CRNKL1: variants seen among roughly 807,000 people sequenced by gnomAD.
The protein encoded by CRNKL1 is crooked neck-like protein 1.
Under a neutral mutation model 103.7 loss-of-function variants are expected in CRNKL1, and 35 were observed. The ratio of observed to expected loss-of-function variants is 0.34; its 90% CI spans 0.26 to 0.45. The LOEUF is 0.45. CRNKL1 is among the 20% of genes least tolerant of loss of function. The pLI, the probability that CRNKL1 is intolerant of heterozygous loss-of-function variation, is 1.00. For synonymous variants in CRNKL1, 267 were observed against 282.6 expected, an observed-to-expected ratio of 0.94 and a Z score of 0.55; for missense variants, 645 against 836.0, an observed-to-expected ratio of 0.77 and a Z score of 2.82.
chr20:20,034,380 T>TATCG lies in CRNKL1; in HGVS notation c.*1811_*1814dup. The TATCG allele has an allele frequency of 6.6e-6, 1 of 152,302 alleles. No homozygotes were observed. The highest frequency in any genetic ancestry group is 2.1e-4 in the South Asian group (1 of 4,828). The allele number at this position is 152,302 out of a possible 1,614,324, so 9.4% of individuals were successfully genotyped here. A position where few individuals can be genotyped will look rare whatever the true frequency, so the allele number is the denominator to read the frequency against. ...CCACAAGAAATTATTAAACTTTTACTATCGAAAGGATTTACTTTGGTGGAG... is the reference window on the plus strand; with the variant it reads ...CCACAAGAAATTATTAAACTTTTACTATCGATCGAAAGGATTTACTTTGGTGGAG... On this transcript the variant is annotated 3_prime_UTR_variant, in exon 14 of 14. Transcript: ENST00000536226.
At chr20:20,051,591 C>A (rs1237010891) in intron 1 of CRNKL1, among the ~76,000 whole-genome samples, 5 of 152,126 alleles carry the variant, frequency 3.3e-5, no homozygotes, top group Non-Finnish European at 1.5e-5. Flanking sequence ...ATTACTCCTG[C>A]GAGTCAGACA....
At chr20:20,039,542 G>T in intron 11 of CRNKL1, 67 bp downstream of exon 11, 2 of 1,569,036 alleles carry the variant, frequency 1.3e-6, no homozygotes, top group South Asian at 2.3e-5. Context: ...CCCACATTTA[G>T]ATGGTCATCT....
chr20:20,050,692 A>C (rs776147202), intron 1 of CRNKL1, 70 bp from the exon 2 acceptor site: 89 of 1,388,530 alleles, frequency 6.4e-5, no homozygotes, highest in Non-Finnish European at 8.6e-5. Flanking sequence ...ACAAACATAC[A>C]TTTTTTAGGA....
intron 12 of CRNKL1, among the ~76,000 whole-genome samples, chr20:20,037,856 AG>A (rs2043446536): frequency 1.3e-5 from 2 of 152,202 alleles, no homozygotes; most frequent in South Asian, 4.1e-4. Flanking sequence ...CGGGAGGCTG[AG>A]GTGGGCAGAT....
At chr20:20,049,784 T>C (rs1211032830) in intron 2 of CRNKL1, among the ~76,000 whole-genome samples, 1 of 152,138 alleles carries the variant, frequency 6.6e-6, no homozygotes, top group Admixed American at 6.5e-5. Flanking sequence ...CATGGTCCTT[T>C]TGCAGACCTC....
upstream of CRNKL1, chr20:20,055,965 T>C: frequency 6.2e-7 from 1 of 1,611,132 alleles, no homozygotes. Context: ...GTCAACAGCA[T>C]TTCCCAAAGT....
intron 5 of CRNKL1, among the ~76,000 whole-genome samples, chr20:20,046,020 C>T (rs1227835096): frequency 1.3e-5 from 2 of 151,828 alleles, no homozygotes; most frequent in South Asian, 2.1e-4. Context: ...AAAAAACATG[C>T]TATAAAAAGA....
At chr20:20,047,276 T>C (rs1015256180) in intron 5 of CRNKL1, among the ~76,000 whole-genome samples, 2 of 152,362 alleles carry the variant, frequency 1.3e-5, no homozygotes, top group South Asian at 2.1e-4. Flanking sequence ...GCTTCTGTAT[T>C]GAACATGTCG....
At chr20:20,043,183 AC>A in intron 7 of CRNKL1, among the ~76,000 whole-genome samples, 1 of 152,294 alleles carries the variant, frequency 6.6e-6, no homozygotes, top group East Asian at 1.9e-4. Context: ...TGACTCTTCC[AC>A]CTTCTTCCAA....
intron 6 of CRNKL1, 21 bp downstream of exon 6, chr20:20,045,287 A>G (rs1426163825): frequency 1.3e-6 from 2 of 1,591,588 alleles, no homozygotes; most frequent in East Asian, 2.2e-5. Flanking sequence ...TTTACAGTAT[A>G]ATGAAGTTAG....
rs1277202735 is a variant in CRNKL1 at position 20,052,346 on chromosome 20, T to C, written c.-4A>G. ...CGGCCGCGGTGGAGGCCGCCATGTCTGCAGCAGTCGACCTCTGGACACCTG... is the reference window on the plus strand; with the variant it reads ...CGGCCGCGGTGGAGGCCGCCATGTCCGCAGCAGTCGACCTCTGGACACCTG... On this transcript the variant is annotated 5_prime_UTR_variant, in exon 1 of 14. Coordinates refer to ENST00000536226, the MANE Select transcript of CRNKL1 (RefSeq NM_001278628.2). 3.7e-6 allele frequency: 6 copies of C among 1,613,738 alleles called. No homozygotes were observed. Among genetic ancestry groups the C allele is most frequent in the Non-Finnish European group, 5.1e-6 (6 of 1,180,036 alleles).
At chr20:20,040,330 C>CAAAAAAAA (rs781058387) in intron 10 of CRNKL1, among the ~76,000 whole-genome samples, 2 of 79,284 alleles carry the variant, frequency 2.5e-5, no homozygotes, top group Admixed American at 1.3e-4. Flanking sequence ...ACCAAACAAA[C>CAAAAAAAA]AAAAAAAAAA....
intron 6 of CRNKL1, 59 bp downstream of exon 6, chr20:20,045,249 G>A (rs2146495678): frequency 7.2e-7 from 1 of 1,386,330 alleles, no homozygotes; most frequent in Non-Finnish European, 9.8e-7. Context: ...AACTCACCAT[G>A]CACAAAATGT....
At chr20:20,041,671 T>C (rs768081442) in intron 8 of CRNKL1, 46 bp from the exon 9 acceptor site, 1 of 1,391,204 alleles carries the variant, frequency 7.2e-7, no homozygotes, top group South Asian at 1.2e-5. Flanking sequence ...AGTCTGCTGC[T>C]AACACTCATT....
Position 20,036,511 on chromosome 20 carries a change from G to A in CRNKL1, c.1897-149C>T, listed in dbSNP as rs563221674. 17 of 705,828 alleles carry A rather than the reference G, an allele frequency of 2.4e-5. No homozygotes were observed. In the African/African-American group the frequency reaches 2.7e-4, roughly 11 times the overall value. 43.7% of individuals were successfully genotyped at this position (705,828 alleles called of 1,614,324 possible). A position where few individuals can be genotyped will look rare whatever the true frequency, so the allele number is the denominator to read the frequency against. ...TACAGAAAGAACAAGGGCTGGGTCTGAAAGACTGGGAGTGAGTAAGCAGCA... is the reference window on the plus strand; with the variant it reads ...TACAGAAAGAACAAGGGCTGGGTCTAAAAGACTGGGAGTGAGTAAGCAGCA... On this transcript the variant is annotated intron_variant, in intron 13 of 13. Coordinates refer to ENST00000536226, the MANE Select transcript of CRNKL1 (RefSeq NM_001278628.2).
At chr20:20,055,760 A>T (rs2044272876), upstream of CRNKL1, among the ~76,000 whole-genome samples, 1 of 152,160 alleles carries the variant, frequency 6.6e-6, no homozygotes, top group African/African-American at 2.4e-5. Context: ...GACAATATTT[A>T]TGGTTAGCTT....
At chr20:20,041,244 C>T (rs62200273) in intron 9 of CRNKL1, among the ~76,000 whole-genome samples, 10,718 of 152,314 alleles carry the variant, frequency 0.07, 431 homozygotes, top group East Asian at 0.11. Context: ...TGCACACACT[C>T]ACTGTTACCA....
At chr20:20,040,313 A>G (rs1233452960) in intron 10 of CRNKL1, among the ~76,000 whole-genome samples, 1 of 151,508 alleles carries the variant, frequency 6.6e-6, no homozygotes, top group East Asian at 1.9e-4. Flanking sequence ...CCCTGTCTCA[A>G]AAAAAAACCA....
In CRNKL1 at chr20:20,048,633, T is replaced by C. The variant is rs2043632647; in HGVS notation, c.297-132A>G. 3.7e-6 allele frequency: 3 copies of C among 802,598 alleles called. No homozygotes were observed. In the East Asian group the frequency reaches 8.0e-5, roughly 22 times the overall value. The allele number at this position is 802,598 out of a possible 1,614,324, so 49.7% of individuals were successfully genotyped here. A position where few individuals can be genotyped will look rare whatever the true frequency, so the allele number is the denominator to read the frequency against. ...GAGCCAAGTTCTGGGCATAAAAAAA[T>C]GAAAAGATATAATGCTCTCAAGTAC... On this transcript the variant is annotated intron_variant, in intron 3 of 13. Transcript: ENST00000536226.
Sources: gnomAD v4.1 joint callset for allele counts (sites outside exome capture counted in the v4.1 genomes callset) on GRCh38, gnomAD v4.1.1 for gene constraint, MANE v1.5 for transcripts, NCBI Gene and HGNC (gene_info 2026-07-23, HGNC 2026-07-21) for gene names.